Variants in JAKMIP1 observed in about 807,000 individuals in gnomAD.
The protein encoded by JAKMIP1 is janus kinase and microtubule-interacting protein 1.
A neutral mutation model predicts 113.0 loss-of-function variants in JAKMIP1; 33 were observed. That is an observed-to-expected ratio of 0.29 (90% confidence interval 0.22 to 0.39). The LOEUF is 0.39. Ranked by LOEUF, JAKMIP1 falls within the 10% of genes least tolerant of loss-of-function variation. The probability of loss-of-function intolerance (pLI) is 1.00; values close to 1 mark genes in which losing one functional copy is unlikely to be tolerated. For missense variants in JAKMIP1, 813 were observed against 1,080.5 expected (o/e 0.75, Z 3.47); for synonymous variants, 480 against 459.9 (o/e 1.04, Z -0.56).
chr4:6,197,630 G>T lies in JAKMIP1; in HGVS notation c.-148+2623C>A, dbSNP rs1727987365. ...TCCCGTCGCCACTATGGGGAGAGGA[G>T]TGACCCAGCAGAACTGGGACACACT... On this transcript the variant is annotated intron_variant, in intron 1 of 20. Transcript: ENST00000409021. The surrounding 1 kb of genome is among the most constrained non-coding windows in gnomAD (Gnocchi z 6.5). Among the ~76,000 whole-genome samples, 1 of 152,204 alleles carries T rather than the reference G, an allele frequency of 6.6e-6. No individual in the cohort carries two copies. Among genetic ancestry groups the T allele is most frequent in the African/African-American group, 2.4e-5 (1 of 41,452 alleles).
At chr4:6,036,964 GAGGCAGAGGCTAACCAGTAT>G (rs1350563894) in intron 18 of JAKMIP1, among the ~76,000 whole-genome samples, 8,222 of 148,560 alleles carry the variant, frequency 0.055, 32 homozygotes, top group African/African-American at 0.12. Flanking sequence ...CTCCATCACC[GAGGCAGAGGCTAACCAGTAT>G]CCCTCCATCA....
At chr4:6,112,620 C>T (rs1342291077) in intron 2 of JAKMIP1, 102 bp downstream of exon 2, 4 of 1,406,308 alleles carry the variant, frequency 2.8e-6, no homozygotes, top group Admixed American at 1.8e-5. Flanking sequence ...CCCCCCTCGG[C>T]CCCCCTCCTG....
chr4:6,149,761 C>T (rs1721333057), intron 1 of JAKMIP1, among the ~76,000 whole-genome samples: 2 of 152,140 alleles, frequency 1.3e-5, no homozygotes. Context: ...CAGAGCAGCC[C>T]TCCTTTGCTA....
intron 10 of JAKMIP1, among the ~76,000 whole-genome samples, 157 bp from the exon 11 acceptor site, chr4:6,060,664 C>T (rs967500825): frequency 2.0e-5 from 3 of 152,212 alleles, no homozygotes; most frequent in East Asian, 1.9e-4. Flanking sequence ...CCTTGGCCTA[C>T]TAGAAGCATG....
At position 6,188,631 on chromosome 4, in the gene JAKMIP1, T is replaced by C. The variant is rs1726895239; in HGVS notation, c.-148+11622A>G. ...CGTGAAATTCCAAATTAGCAACTTA[T>C]TAATCTGGGGCACCTGAGGTTTGGG... On this transcript the variant is annotated intron_variant, in intron 1 of 20. Coordinates refer to ENST00000409021, the MANE Select transcript of JAKMIP1 (RefSeq NM_001099433.2). The surrounding 1 kb of genome is among the most constrained non-coding windows in gnomAD (Gnocchi z 5.8). 6.6e-6 allele frequency among the ~76,000 whole-genome samples: 1 copy of C among 152,222 alleles called. No homozygotes were observed. Among genetic ancestry groups the C allele is most frequent in the Non-Finnish European group, 1.5e-5 (1 of 68,040 alleles).
chr4:6,084,775 G>A (rs774129336), intron 5 of JAKMIP1, 71 bp downstream of exon 5: 7 of 1,484,104 alleles, frequency 4.7e-6, no homozygotes, highest in South Asian at 1.4e-5. Flanking sequence ...TCTGTGCAGG[G>A]CATGTTTCAG....
At position 6,150,118 on chromosome 4, in the gene JAKMIP1, G is replaced by C. The variant is rs1279114587; in HGVS notation, c.-147-37121C>G. 6.6e-6 allele frequency among the ~76,000 whole-genome samples: 1 copy of C among 152,202 alleles called. No homozygotes were observed. Among genetic ancestry groups the C allele is most frequent in the Non-Finnish European group, 1.5e-5 (1 of 68,038 alleles). Reference sequence around the variant, plus strand: ...TATGCCAAGCTCTGGGGAAGAAAGTGAATGATACAGGTAGTGCCCCCTTCG... The same window carrying C: ...TATGCCAAGCTCTGGGGAAGAAAGTCAATGATACAGGTAGTGCCCCCTTCG... On this transcript the variant is annotated intron_variant, in intron 1 of 20. Transcript: ENST00000409021. This position sits in a 1 kb window ranked among gnomAD's most constrained non-coding sequence, Gnocchi z 4.8.
intron 1 of JAKMIP1, among the ~76,000 whole-genome samples, chr4:6,117,421 C>CGA (rs1351245048): frequency 1.1e-4 from 17 of 151,938 alleles, no homozygotes; most frequent in Non-Finnish European, 2.1e-4. Flanking sequence ...AGGGGGTATA[C>CGA]GAATAGGTGT....
chr4:6,114,631 G>A (rs1337080907), intron 1 of JAKMIP1, among the ~76,000 whole-genome samples: 2 of 152,220 alleles, frequency 1.3e-5, no homozygotes, highest in Non-Finnish European at 2.9e-5. Context: ...CAGGAGAGAG[G>A]GGTGTTTCTT....
chr4:6,067,211 T>C lies in JAKMIP1; in HGVS notation c.1303-2203A>G, dbSNP rs1156469765. 6.6e-6 allele frequency among the ~76,000 whole-genome samples: 1 copy of C among 152,204 alleles called. No individual in the cohort carries two copies. The highest frequency in any genetic ancestry group is 1.9e-4 in the East Asian group (1 of 5,186). On this transcript the variant is annotated intron_variant, in intron 8 of 20. Coordinates refer to ENST00000409021, the MANE Select transcript of JAKMIP1 (RefSeq NM_001099433.2). This position sits in a 1 kb window ranked among gnomAD's most constrained non-coding sequence, Gnocchi z 4.6. The stretch of plus-strand genomic sequence containing the variant: ...CTCCATGAAGACAGGGGGTTGGCCC[T>C]TTTGTTCTCGACTGTATCCCAGTGT...
intron 1 of JAKMIP1, among the ~76,000 whole-genome samples, chr4:6,161,724 C>T (rs1214162942): frequency 1.3e-5 from 2 of 151,976 alleles, no homozygotes; most frequent in Non-Finnish European, 1.5e-5. Flanking sequence ...ACTGTGTCCT[C>T]ATTGGTCCTG....
intron 1 of JAKMIP1, among the ~76,000 whole-genome samples, chr4:6,131,162 C>CAA (rs1269297167): frequency 6.1e-4 from 11 of 18,100 alleles, no homozygotes; most frequent in African/African-American, 2.3e-3. Context: ...ACCTTGCCTC[C>CAA]AAAAAAAAAA....
At position 6,168,266 on chromosome 4, in the gene JAKMIP1, G is replaced by T. The variant is rs1560310513; in HGVS notation, c.-148+31987C>A. ...AATGTGAAACGCAGAATCACCCTGT[G>T]ACCTCGCAGTTCTACTCCTAAATAT... On this transcript the variant is annotated intron_variant, in intron 1 of 20. Transcript: ENST00000409021. This position sits in a 1 kb window ranked among gnomAD's most constrained non-coding sequence, Gnocchi z 4.6. Among the ~76,000 whole-genome samples the T allele has an allele frequency of 1.3e-5, 2 of 152,200 alleles. No homozygotes were observed.
chr4:6,111,931 T>C (rs1165444487), intron 2 of JAKMIP1, among the ~76,000 whole-genome samples: 1 of 152,164 alleles, frequency 6.6e-6, no homozygotes, highest in Non-Finnish European at 1.5e-5. Flanking sequence ...AAAATAAACT[T>C]TGAAGCCTCC....
intron 17 of JAKMIP1, among the ~76,000 whole-genome samples, chr4:6,041,857 C>G (rs1319714925): frequency 2.6e-5 from 4 of 152,182 alleles, no homozygotes; most frequent in Non-Finnish European, 2.9e-5. Flanking sequence ...AACGCATGAC[C>G]CTGCAGGTCT....
intron 1 of JAKMIP1, among the ~76,000 whole-genome samples, chr4:6,152,789 A>AATATATATATATATATATATAC (rs755506728): frequency 0.025 from 3,374 of 135,092 alleles, 71 homozygotes; most frequent in Middle Eastern, 0.05. Context: ...TAAAAATACA[A>AATATATATATATATATATATAC]ATATATATAT....
In JAKMIP1 at chr4:6,067,858, C is replaced by A. The variant is rs922250310; in HGVS notation, c.1303-2850G>T. 6.6e-6 allele frequency among the ~76,000 whole-genome samples: 1 copy of A among 152,202 alleles called. No homozygotes were observed. Among genetic ancestry groups the A allele is most frequent in the Non-Finnish European group, 1.5e-5 (1 of 68,052 alleles). On this transcript the variant is annotated intron_variant, in intron 8 of 20. Coordinates refer to ENST00000409021, the MANE Select transcript of JAKMIP1 (RefSeq NM_001099433.2). The surrounding 1 kb of genome is among the most constrained non-coding windows in gnomAD (Gnocchi z 4.6). ...CTCTTCTGCACACGCAGGTCACCCC[C>A]CTGAGCTCCACGTTCCACATTTTTC...
In JAKMIP1 at chr4:6,031,069, A is replaced by T. The variant is rs1344711328; in HGVS notation, c.2380-1288T>A. ...ACAAAGTCCCTCCCCTTATAGTTCA[A>T]TTACCGTTCAGACAATAGCAGCATA... On this transcript the variant is annotated intron_variant, in intron 19 of 20. Coordinates refer to ENST00000409021, the MANE Select transcript of JAKMIP1 (RefSeq NM_001099433.2). This position sits in a 1 kb window ranked among gnomAD's most constrained non-coding sequence, Gnocchi z 4.4. 1.3e-5 allele frequency among the ~76,000 whole-genome samples: 2 copies of T among 152,190 alleles called. No homozygotes were observed. Among genetic ancestry groups the T allele is most frequent in the Non-Finnish European group, 2.9e-5 (2 of 68,040 alleles).
Position 6,053,953 on chromosome 4 carries a change from T to C in JAKMIP1, c.1806+97A>G, listed in dbSNP as rs375875013. On this transcript the variant is annotated intron_variant, in intron 13 of 20. Coordinates refer to ENST00000409021, the MANE Select transcript of JAKMIP1 (RefSeq NM_001099433.2). ...AACTATAACATGTCCCCTTTACACA[T>C]GCTTGAAAACATCTGAGAGCTTTAC... The C allele has an allele frequency of 2.6e-5, 42 of 1,605,216 alleles. No individual in the cohort carries two copies. In the Admixed American group the frequency reaches 6.1e-4, roughly 23 times the overall value.
Sources: gnomAD v4.1 joint callset for allele counts (sites outside exome capture counted in the v4.1 genomes callset) on GRCh38, gnomAD v4.1.1 for gene constraint, Gnocchi (gnomAD v3.1) non-coding constraint, MANE v1.5 for transcripts, NCBI Gene and HGNC (gene_info 2026-07-23, HGNC 2026-07-21) for gene names.